Variants in GYG1 observed in about 807,000 individuals in gnomAD.
GYG1 encodes glycogenin-1.
GYG1 carries 44 observed loss-of-function variants against 41.9 expected under a neutral mutation model. The observed-to-expected ratio is 1.05, with a 90% CI of 0.83 to 1.35. GYG1 has a LOEUF of 1.35. Ranked by LOEUF, GYG1 falls within the 40% of genes most tolerant of loss-of-function variation. GYG1 has a pLI of 0.00. For synonymous variants in GYG1, 141 were observed against 158.1 expected (o/e 0.89, Z 0.81); for missense variants, 429 against 418.9 (o/e 1.02, Z -0.21).
chr3:148,994,524 GA>G lies in GYG1; in HGVS notation c.143+250del, dbSNP rs11294137. ...CACTTTCTGGTTCCAACTAGGAGGG[GA>G]AAGAAGGAGTCGTCTTCCTTCACTC... On this transcript the variant is annotated intron_variant, in intron 2 of 7. Transcript: ENST00000345003. 0.82 allele frequency among the ~76,000 whole-genome samples: 124,958 copies of G among 152,104 alleles called. 51,956 individuals are homozygous for G. Among genetic ancestry groups the G allele is most frequent in the African/African-American group, 0.95 (39,525 of 41,546 alleles).
chr3:148,994,370 C>T, intron 2 of GYG1, 93 bp downstream of exon 2: 1 of 1,359,136 alleles, frequency 7.4e-7, no homozygotes, highest in Non-Finnish European at 1.1e-6. Context: ...ATGCTCTTTT[C>T]AGGAATTGAG....
At chr3:149,013,394 C>G (rs1283167290) in intron 5 of GYG1, among the ~76,000 whole-genome samples, 1 of 152,116 alleles carries the variant, frequency 6.6e-6, no homozygotes, top group Non-Finnish European at 1.5e-5. Flanking sequence ...ACTAAACGCT[C>G]TCTAGGAATC....
chr3:148,994,049 T>G, intron 1 of GYG1, 93 bp from the exon 2 acceptor site: 3 of 1,129,916 alleles, frequency 2.7e-6, no homozygotes, highest in Non-Finnish European at 4.0e-6. Context: ...GAGGAACTGG[T>G]TTTGCTGAAT....
chr3:149,024,051 A>G lies in GYG1; in HGVS notation c.609-2A>G. Reference sequence around the variant, plus strand: ...CTGTTTCAACTTGCGTTCACTTGGCAGGTTTGGTGCAAGTGCCAAAGTTGT... The same window carrying G: ...CTGTTTCAACTTGCGTTCACTTGGCGGGTTTGGTGCAAGTGCCAAAGTTGT... On this transcript the variant is annotated splice_acceptor_variant, in intron 5 of 7. Transcript: ENST00000345003. LOFTEE classifies it high-confidence loss of function. 1 of 1,611,206 alleles carries G rather than the reference A, an allele frequency of 6.2e-7. No individual in the cohort carries two copies. The highest frequency in any genetic ancestry group is 8.5e-7 in the Non-Finnish European group (1 of 1,177,284).
intron 4 of GYG1, chr3:149,001,373 A>C (rs1713087377): frequency 6.6e-6 from 1 of 152,214 alleles, no homozygotes; most frequent in Admixed American, 6.5e-5. Flanking sequence ...TGGCAAAATT[A>C]ATGAGCACAC....
chr3:149,011,169 A>C (rs2107905367), intron 5 of GYG1, among the ~76,000 whole-genome samples: 3 of 152,314 alleles, frequency 2.0e-5, no homozygotes, highest in Admixed American at 2.0e-4. Flanking sequence ...AACAGGATTC[A>C]CTGTCAAGGG....
At chr3:149,008,566 C>T (rs1323992860) in intron 4 of GYG1, among the ~76,000 whole-genome samples, 1 of 152,232 alleles carries the variant, frequency 6.6e-6, no homozygotes, top group Non-Finnish European at 1.5e-5. Context: ...CCTTCCTTCG[C>T]CCATCAGATG....
chr3:149,027,259 T>C lies in GYG1; in HGVS notation c.*326T>C. ...AGTTCTTAAAATCTGCAGAGCCTGGTTCAAAATCAGTCACTCCCTTCAGAA... is the reference window on the plus strand; with the variant it reads ...AGTTCTTAAAATCTGCAGAGCCTGGCTCAAAATCAGTCACTCCCTTCAGAA... On this transcript the variant is annotated 3_prime_UTR_variant, in exon 8 of 8. Transcript: ENST00000345003. 5.7e-6 allele frequency: 2 copies of C among 349,818 alleles called. No individual in the cohort carries two copies. The highest frequency in any genetic ancestry group is 1.1e-5 in the Non-Finnish European group (2 of 187,432). The allele number at this position is 349,818 out of a possible 1,614,324, so 21.7% of individuals were successfully genotyped here.
intron 2 of GYG1, among the ~76,000 whole-genome samples, chr3:148,995,284 C>T (rs1020693216): frequency 3.9e-5 from 6 of 152,186 alleles, no homozygotes; most frequent in Admixed American, 2.6e-4. Context: ...AAAAAATATC[C>T]GGGCACACTA....
At chr3:149,012,674 T>C (rs943355180) in intron 5 of GYG1, among the ~76,000 whole-genome samples, 2 of 152,006 alleles carry the variant, frequency 1.3e-5, no homozygotes, top group Non-Finnish European at 2.9e-5. Context: ...TTTTATCACT[T>C]CGAATGACTA....
In GYG1 at chr3:149,030,423, TA is replaced by T. The variant is rs1175841270; in HGVS notation, c.*3491del. ...TTTTAAACAACTTGCCAAACTTACT[TA>T]TGAGTGTGTTTTAAAAACAACTTTG... is the stretch of plus-strand genomic sequence containing the variant. On this transcript the variant is annotated 3_prime_UTR_variant, in exon 8 of 8. Transcript: ENST00000345003. 1 of 152,168 alleles carries T rather than the reference TA, an allele frequency of 6.6e-6. No individual in the cohort carries two copies. The highest frequency in any genetic ancestry group is 2.4e-5 in the African/African-American group (1 of 41,448). The allele number at this position is 152,168 out of a possible 1,614,324, so 9.4% of individuals were successfully genotyped here.
rs1303536122 is a variant in GYG1 at position 148,996,918 on chromosome 3, A to G, written c.481+14A>G. On this transcript the variant is annotated intron_variant, in intron 4 of 7. Coordinates refer to ENST00000345003, the MANE Select transcript of GYG1 (RefSeq NM_004130.4). ...GTAGTTTTGATGGTATGTATTTGCT[A>G]TCTTCATGTCTGATAAGCTGTTAAT... is the stretch of plus-strand genomic sequence containing the variant. 1 of 1,594,960 alleles carries G rather than the reference A, an allele frequency of 6.3e-7. No homozygotes were observed. Among genetic ancestry groups the G allele is most frequent in the African/African-American group, 1.3e-5 (1 of 74,524 alleles).
chr3:149,030,950 AAGTCTC>A lies in GYG1; in HGVS notation c.*4020_*4025del, dbSNP rs1714966222. On this transcript the variant is annotated 3_prime_UTR_variant, in exon 8 of 8. Coordinates refer to ENST00000345003, the MANE Select transcript of GYG1 (RefSeq NM_004130.4). ...CTATCAAATGACTTCCAACACTCTT[AAGTCTC>A]AGGTATTCTTAAATCTGTATCATCA... 6.6e-6 allele frequency: 1 copy of A among 152,172 alleles called. No homozygotes were observed. The highest frequency in any genetic ancestry group is 6.5e-5 in the Admixed American group (1 of 15,274). The allele number at this position is 152,172 out of a possible 1,614,324, so 9.4% of individuals were successfully genotyped here. A position where few individuals can be genotyped will look rare whatever the true frequency, so the allele number is the denominator to read the frequency against.
chr3:149,010,635 A>G (rs1314637053), intron 5 of GYG1, among the ~76,000 whole-genome samples: 3 of 152,166 alleles, frequency 2.0e-5, no homozygotes, highest in Non-Finnish European at 4.4e-5. Flanking sequence ...CCCCTGGTGC[A>G]GTTCTGATAC....
intron 5 of GYG1, among the ~76,000 whole-genome samples, chr3:149,017,971 G>A (rs773553747): frequency 6.6e-6 from 1 of 151,972 alleles, no homozygotes; most frequent in Non-Finnish European, 1.5e-5. Context: ...GGTTGCATTT[G>A]GTGGGAGAGA....
At position 149,028,925 on chromosome 3, in the gene GYG1, GC is replaced by G. The variant is rs1328414405; in HGVS notation, c.*1994del. ...TAGTAGAGACAGGTTTCACCATGTT[GC>G]CAGGATGGTCTCAATCTCTTGACCT... On this transcript the variant is annotated 3_prime_UTR_variant, in exon 8 of 8. Coordinates refer to ENST00000345003, the MANE Select transcript of GYG1 (RefSeq NM_004130.4). Among the ~76,000 whole-genome samples, 3 of 152,032 alleles carry G rather than the reference GC, an allele frequency of 2.0e-5. No individual in the cohort carries two copies. Among genetic ancestry groups the G allele is most frequent in the African/African-American group, 7.2e-5 (3 of 41,412 alleles).
At position 148,991,624 on chromosome 3, in the gene GYG1, G is replaced by A; in HGVS notation, c.-17G>A. The A allele has an allele frequency of 1.3e-6, 2 of 1,554,576 alleles. No individual in the cohort carries two copies. Among genetic ancestry groups the A allele is most frequent in the African/African-American group, 1.4e-5 (1 of 73,046 alleles). ...CAACCTGAGGCTGCCCCGGCCGCCT[G>A]CGCACCCGGCAGCACCATGACAGGT... On this transcript the variant is annotated 5_prime_UTR_variant, in exon 1 of 8. Coordinates refer to ENST00000345003, the MANE Select transcript of GYG1 (RefSeq NM_004130.4).
chr3:148,996,827 G>T lies in GYG1; in HGVS notation c.404G>T (p.Gly135Val). The T allele has an allele frequency of 1.2e-6, 2 of 1,613,232 alleles. No homozygotes were observed. Among genetic ancestry groups the T allele is most frequent in the Non-Finnish European group, 1.7e-6 (2 of 1,179,160 alleles). Residue 135 changes from glycine to valine, a missense_variant, in exon 4 of 8, where the codon GGA (glycine) becomes GTA (valine). Gly to Val is a moderately radical substitution (Grantham distance 109). Coordinates refer to ENST00000345003, the MANE Select transcript of GYG1 (RefSeq NM_004130.4). ...DPGWPDCFNSGVFVYQPSVET... is the reference protein window; with the variant it reads ...DPGWPDCFNSVVFVYQPSVET... Reference sequence around the variant, plus strand: ...GGGTGGCCTGACTGCTTCAATTCCGGAGTCTTCGTTTATCAGCCTTCAGTT... The same window carrying T: ...GGGTGGCCTGACTGCTTCAATTCCGTAGTCTTCGTTTATCAGCCTTCAGTT...
chr3:148,992,194 C>G (rs1358902469), intron 1 of GYG1, among the ~76,000 whole-genome samples: 1 of 152,272 alleles, frequency 6.6e-6, no homozygotes, highest in Non-Finnish European at 1.5e-5. Context: ...AGCCGGGAGT[C>G]GGACTAGCGT....
Sources: allele counts gnomAD v4.1 joint callset (sites outside exome capture counted in the v4.1 genomes callset), GRCh38; gene constraint gnomAD v4.1.1; transcripts MANE v1.5; gene names NCBI Gene and HGNC (gene_info 2026-07-23, HGNC 2026-07-21).